DPP4: variants seen among roughly 807,000 people sequenced by gnomAD.
The protein encoded by DPP4 is ADCP-2.
Under a neutral mutation model 122.4 loss-of-function variants are expected in DPP4, and 93 were observed. That is an observed-to-expected ratio of 0.76 (90% CI 0.64 to 0.90). The LOEUF (loss-of-function observed/expected upper bound fraction) is 0.90, where lower values mean the gene tolerates loss of function less well. Among genes scored for constraint, DPP4 ranks in the 40% least tolerant of loss-of-function variants. The probability of loss-of-function intolerance (pLI) is 0.00; values close to 1 mark genes in which losing one functional copy is unlikely to be tolerated. For synonymous variants in DPP4, 321 were observed against 302.9 expected (o/e 1.06, Z -0.62); for missense variants, 914 against 907.3 (o/e 1.01, Z -0.09).
At chr2:162,030,963 G>C (rs979425078) in intron 10 of DPP4, among the ~76,000 whole-genome samples, 13 of 152,182 alleles carry the variant, frequency 8.5e-5, no homozygotes, top group African/African-American at 2.9e-4. Context: ...TGTTTCTTGA[G>C]CCCAGCACTT....
chr2:162,010,552 G>A (rs561519635), intron 20 of DPP4, among the ~76,000 whole-genome samples: 4 of 152,116 alleles, frequency 2.6e-5, no homozygotes, highest in African/African-American at 7.2e-5. Context: ...ATTTAACTGG[G>A]GTTGTATATA....
In DPP4 at chr2:161,993,101, T is replaced by G. The variant is rs2106064281; in HGVS notation, c.*182A>C. 5.5e-6 allele frequency: 3 copies of G among 544,196 alleles called. No individual in the cohort carries two copies. In the South Asian group the frequency reaches 7.4e-5, roughly 13 times the overall value. The allele number at this position is 544,196 out of a possible 1,614,324, so 33.7% of individuals were successfully genotyped here. ...CAAACTTCTGTAAGGTAATAATCTG[T>G]TGTGAAGACAGAAGTCCCTACTTAA... On this transcript the variant is annotated 3_prime_UTR_variant, in exon 26 of 26. Coordinates refer to ENST00000360534, the MANE Select transcript of DPP4 (RefSeq NM_001935.4).
chr2:161,995,383 G>A lies in DPP4; in HGVS notation c.2053-11C>T. The A allele has an allele frequency of 6.2e-7, 1 of 1,607,692 alleles. No homozygotes were observed. The highest frequency in any genetic ancestry group is 8.5e-7 in the Non-Finnish European group (1 of 1,174,344). On this transcript the variant is annotated splice_polypyrimidine_tract_variant and intron_variant, in intron 23 of 25. Coordinates refer to ENST00000360534, the MANE Select transcript of DPP4 (RefSeq NM_001935.4). ...CATGACTGTTGAATTCTGGAATTGG[G>A]AGAAAGAATGTCATTATTCAAAAAA...
intron 4 of DPP4, 51 bp from the exon 5 acceptor site, chr2:162,045,663 A>G (rs1684147282): frequency 7.5e-7 from 1 of 1,331,734 alleles, no homozygotes; most frequent in African/African-American, 1.4e-5. Context: ...TTTCATTGCC[A>G]TCACTGTGCA....
rs1701240521 is a variant in DPP4, at chr2:162,004,798, G to T, written c.2052+947C>A. On this transcript the variant is annotated intron_variant, in intron 23 of 25. Coordinates refer to ENST00000360534, the MANE Select transcript of DPP4 (RefSeq NM_001935.4). ...ATTGCTCAGAGCAATGTATTAATATGAAGTCATGACACAGATGAAAAGAAA... is the reference window on the plus strand; with the variant it reads ...ATTGCTCAGAGCAATGTATTAATATTAAGTCATGACACAGATGAAAAGAAA... 2.0e-5 allele frequency among the ~76,000 whole-genome samples: 3 copies of T among 152,166 alleles called. No homozygotes were observed. The South Asian group carries it at 6.2e-4, about 32-fold the overall frequency.
At chr2:162,040,360 T>C (rs191854507) in intron 5 of DPP4, among the ~76,000 whole-genome samples, 1 of 151,936 alleles carries the variant, frequency 6.6e-6, no homozygotes, top group Admixed American at 6.6e-5. Flanking sequence ...ATCCATACAA[T>C]GGAATCTTAT....
At chr2:162,019,333 C>A (rs2111849) in intron 14 of DPP4, 57 bp from the exon 15 acceptor site, 33,045 of 1,214,584 alleles carry the variant, frequency 0.027, 1,073 homozygotes, top group African/African-American at 0.13. Flanking sequence ...AAGTCAGAGG[C>A]GATCCACCGC....
chr2:162,031,111 A>G (rs1576051454), intron 10 of DPP4, among the ~76,000 whole-genome samples: 1 of 152,234 alleles, frequency 6.6e-6, no homozygotes, highest in South Asian at 2.1e-4. Flanking sequence ...TAACTAACTT[A>G]TTCAAATATT....
intron 5 of DPP4, among the ~76,000 whole-genome samples, chr2:162,042,458 G>C (rs1361985455): frequency 6.6e-6 from 1 of 152,136 alleles, no homozygotes; most frequent in African/African-American, 2.4e-5. Context: ...CACTAACTCA[G>C]TCATGGAGAA....
rs1701074077 is a variant in DPP4 at position 161,998,937 on chromosome 2, AAAAT to A, written c.2053-3569_2053-3566del. On this transcript the variant is annotated intron_variant, in intron 23 of 25. Coordinates refer to ENST00000360534, the MANE Select transcript of DPP4 (RefSeq NM_001935.4). ...ACAAATACTTTAATGCAGCAAGAGA[AAAAT>A]AAAACAAAAGCTTCCCCTGCAACTG... is the stretch of plus-strand genomic sequence containing the variant. Among the ~76,000 whole-genome samples the A allele has an allele frequency of 1.3e-5, 2 of 152,218 alleles. 1 individual carries two copies. The highest frequency in any genetic ancestry group is 4.1e-4 in the South Asian group (2 of 4,832).
rs548057042 is a variant in DPP4 at position 162,018,692 on chromosome 2, C to T, written c.1420+37G>A. 136 of 1,603,552 alleles carry T rather than the reference C, an allele frequency of 8.5e-5. No individual in the cohort carries two copies. In the South Asian group the frequency reaches 1.1e-3, roughly 13 times the overall value. On this transcript the variant is annotated intron_variant, in intron 16 of 25. Coordinates refer to ENST00000360534, the MANE Select transcript of DPP4 (RefSeq NM_001935.4). ...GGAGCTGCTTCGAAGTGAGTAACAG[C>T]GGCGACTGCCCTCCCTCCCAGGGAG...
In DPP4 at chr2:162,008,650, C is replaced by T. The variant is rs200431129; in HGVS notation, c.1899G>A (p.Gly633=). Residue 633 remains glycine, a synonymous_variant, in exon 22 of 26, where the codon GGG becomes GGA. Coordinates refer to ENST00000360534, the MANE Select transcript of DPP4 (RefSeq NM_001935.4). ...ATCCCAGGACCATTGAGGTTACGTACCCTCCATATGACTAAGGAATGGAAA... is the reference window on the plus strand; with the variant it reads ...ATCCCAGGACCATTGAGGTTACGTATCCTCCATATGACTAAGGAATGGAAA... ...RIAIWGWSYG[G]YVTSMVLGSG... is the part of the protein sequence containing the mutation. The T allele has an allele frequency of 5.0e-6, 8 of 1,613,404 alleles. No individual in the cohort carries two copies. In the Admixed American group the frequency reaches 1.0e-4, roughly 20 times the overall value.
chr2:162,020,399 C>A (rs1159542720), intron 13 of DPP4, 103 bp from the exon 14 acceptor site: 12 of 1,150,000 alleles, frequency 1.0e-5, no homozygotes, highest in African/African-American at 3.2e-5. Context: ...ATTCAAATAA[C>A]CTTGGATTTT....
At chr2:162,011,010 TG>T (rs1682684077) in intron 20 of DPP4, among the ~76,000 whole-genome samples, 1 of 152,188 alleles carries the variant, frequency 6.6e-6, no homozygotes. Flanking sequence ...AGAATGAGAC[TG>T]GATTCAAATC....
chr2:162,028,807 C>T (rs898810129), intron 10 of DPP4, among the ~76,000 whole-genome samples: 5 of 152,222 alleles, frequency 3.3e-5, no homozygotes, highest in African/African-American at 1.2e-4. Context: ...GTGAGTACTG[C>T]AGATCATGCT....
At chr2:162,027,315 C>A (rs1426061956) in intron 10 of DPP4, among the ~76,000 whole-genome samples, 1 of 151,114 alleles carries the variant, frequency 6.6e-6, no homozygotes, top group Non-Finnish European at 1.5e-5. Context: ...CAAGCCGCTG[C>A]ACTCTAGCCT....
At chr2:162,005,237 AT>A (rs892329700) in intron 23 of DPP4, among the ~76,000 whole-genome samples, 2 of 152,146 alleles carry the variant, frequency 1.3e-5, no homozygotes, top group Non-Finnish European at 2.9e-5. Context: ...CTATTCAGTG[AT>A]TTAGGTTTAG....
At chr2:162,051,369 T>C (rs1576066201) in intron 2 of DPP4, among the ~76,000 whole-genome samples, 2 of 152,242 alleles carry the variant, frequency 1.3e-5, no homozygotes, top group Admixed American at 6.5e-5. Flanking sequence ...ACAAGATATT[T>C]TGAATATTGT....
intron 6 of DPP4, 28 bp downstream of exon 6, chr2:162,039,104 T>TAA (rs1158133231): frequency 6.2e-7 from 1 of 1,611,064 alleles, no homozygotes. Flanking sequence ...TAGGAAAGCC[T>TAA]AATAGATTTT....
Sources: allele counts gnomAD v4.1 joint callset (sites outside exome capture counted in the v4.1 genomes callset), GRCh38; gene constraint gnomAD v4.1.1; transcripts MANE v1.5; gene names NCBI Gene and HGNC (gene_info 2026-07-23, HGNC 2026-07-21).